TLN2: variants seen among roughly 807,000 people sequenced by gnomAD.
TLN2 encodes the protein talin 2, also known as talin-2.
A neutral mutation model predicts 294.7 loss-of-function variants in TLN2; 118 were observed. That is an observed-to-expected ratio of 0.40 (90% confidence interval 0.34 to 0.47). The LOEUF is 0.47. Ranked by LOEUF, TLN2 falls within the 20% of genes least tolerant of loss-of-function variation. The probability of loss-of-function intolerance (pLI) is 0.84; values close to 1 mark genes in which losing one functional copy is unlikely to be tolerated. For missense variants in TLN2, 3,083 were observed against 3,282.2 expected (o/e 0.94, Z 1.48); for synonymous variants, 1,431 against 1,304.5 (o/e 1.10, Z -2.09).
chr15:62,641,714 T>C (rs1048706424), intron 3 of TLN2, among the ~76,000 whole-genome samples: 1 of 152,190 alleles, frequency 6.6e-6, no homozygotes, highest in Non-Finnish European at 1.5e-5. Context: ...AGCGATCTTA[T>C]AGGTAGATCT....
chr15:62,521,828 T>C (rs1452676349), intron 1 of TLN2, among the ~76,000 whole-genome samples: 1 of 152,214 alleles, frequency 6.6e-6, no homozygotes, highest in African/African-American at 2.4e-5. Context: ...TTTCAATATA[T>C]GTCAAGGAAA....
At chr15:62,494,943 C>G (rs62006672) in intron 1 of TLN2, among the ~76,000 whole-genome samples, 6 of 152,002 alleles carry the variant, frequency 3.9e-5, no homozygotes, top group Non-Finnish European at 8.8e-5. Context: ...TCTCTGTTCC[C>G]GGAACACTGT....
intron 1 of TLN2, among the ~76,000 whole-genome samples, chr15:62,409,357 A>G (rs1047423522): frequency 6.6e-6 from 1 of 152,188 alleles, no homozygotes; most frequent in Non-Finnish European, 1.5e-5. Flanking sequence ...GCTTTTTACC[A>G]GAAGCCAGTC....
chr15:62,833,300 C>G (rs2069073521), intron 54 of TLN2: 2 of 690,636 alleles, frequency 2.9e-6, no homozygotes, highest in African/African-American at 1.8e-5. Context: ...GGTGGCTTAA[C>G]CAAACTGACT....
Position 62,683,413 on chromosome 15 carries a change from T to C in TLN2, c.958-3228T>C, listed in dbSNP as rs113551449. On this transcript the variant is annotated intron_variant, in intron 11 of 58. Transcript: ENST00000636159. ...GTTTATTAGCGAATCCTGCCTCTCA[T>C]TGGTAGAATGCCTGCATTCTCCCGC... Among the ~76,000 whole-genome samples the C allele has an allele frequency of 3.3e-5, 5 of 151,276 alleles. 1 individual carries two copies. Among genetic ancestry groups the C allele is most frequent in the African/African-American group, 1.2e-4 (5 of 41,202 alleles).
intron 32 of TLN2, among the ~76,000 whole-genome samples, chr15:62,743,023 C>A (rs1041463666): frequency 6.6e-6 from 1 of 152,112 alleles, no homozygotes; most frequent in African/African-American, 2.4e-5. Context: ...TAAGACAGGG[C>A]CTGTCTTATT....
In TLN2 at chr15:62,630,449, A is replaced by G. The variant is rs79074888; in HGVS notation, c.-37+11974A>G. On this transcript the variant is annotated intron_variant, in intron 3 of 58. Coordinates refer to ENST00000636159, the MANE Select transcript of TLN2 (RefSeq NM_015059.3). ...CTCTGTTCCCACTGGCCCTGCGGTCATACTGGTGGGACTTAGCCCTAAGAG... is the reference window on the plus strand; with the variant it reads ...CTCTGTTCCCACTGGCCCTGCGGTCGTACTGGTGGGACTTAGCCCTAAGAG... 3.1e-3 allele frequency among the ~76,000 whole-genome samples: 474 copies of G among 152,338 alleles called. 6 individuals carry two copies. Among genetic ancestry groups the G allele is most frequent in the African/African-American group, 0.011 (447 of 41,584 alleles).
At chr15:62,655,582 G>GGAGTGCTTTAGC (rs2053116818) in intron 7 of TLN2, among the ~76,000 whole-genome samples, 1 of 11,798 alleles carries the variant, frequency 8.5e-5, no homozygotes, top group Non-Finnish European at 3.6e-3. Context: ...TACATTCATT[G>GGAGTGCTTTAGC]TAGCACATGT....
At chr15:62,484,942 G>C (rs942646639) in intron 1 of TLN2, among the ~76,000 whole-genome samples, 5 of 152,180 alleles carry the variant, frequency 3.3e-5, no homozygotes, top group Admixed American at 3.3e-4. Flanking sequence ...CACTGGGCTG[G>C]AATCAAGTGG....
At chr15:62,706,998 C>G in intron 19 of TLN2, 88 bp from the exon 20 acceptor site, 1 of 1,417,638 alleles carries the variant, frequency 7.1e-7, no homozygotes. Context: ...GGAAAAAGAT[C>G]AAATGGAATT....
At position 62,708,556 on chromosome 15, in the gene TLN2, G is replaced by T; in HGVS notation, c.2227G>T (p.Gly743Trp). The change falls in exon 21 of 59, where the codon GGG (glycine) becomes TGG (tryptophan). Residue 743 changes from glycine to tryptophan, a missense_variant. Transcript: ENST00000636159. ...PVCQEQLIEA[G>W]KLVDRSVENC... Reference sequence around the variant, plus strand: ...GTGCCAGGAGCAGCTGATTGAAGCAGGGAAGCTGGTGGACCGCTCGGTGGA... The same window carrying T: ...GTGCCAGGAGCAGCTGATTGAAGCATGGAAGCTGGTGGACCGCTCGGTGGA... 2 of 1,614,196 alleles carry T rather than the reference G, an allele frequency of 1.2e-6. No homozygotes were observed. Among genetic ancestry groups the T allele is most frequent in the Non-Finnish European group, 1.7e-6 (2 of 1,180,032 alleles).
chr15:62,612,638 G>T (rs921784048), intron 2 of TLN2, among the ~76,000 whole-genome samples: 10 of 152,220 alleles, frequency 6.6e-5, no homozygotes, highest in Non-Finnish European at 1.5e-4. Context: ...TTGTTCGTGA[G>T]ATTTTTTTTC....
At chr15:62,836,252 C>A in intron 57 of TLN2, 179 bp downstream of exon 57, 1 of 892,794 alleles carries the variant, frequency 1.1e-6, no homozygotes, top group Admixed American at 2.4e-5. Flanking sequence ...CCCCACCACG[C>A]TGCCATTCTC....
chr15:62,463,327 A>G (rs1221271670), intron 1 of TLN2, among the ~76,000 whole-genome samples: 1 of 152,114 alleles, frequency 6.6e-6, no homozygotes, highest in East Asian at 1.9e-4. Context: ...TGTTTTGGAT[A>G]TGAGTGGTGA....
intron 14 of TLN2, 39 bp from the exon 15 acceptor site, chr15:62,697,649 C>G (rs28415011): frequency 0.047 from 73,775 of 1,569,998 alleles, 3,777 homozygotes; most frequent in African/African-American, 0.25. Context: ...CTCCACATGG[C>G]TGGTGTTCTC....
chr15:62,415,545 G>C (rs2034023358), intron 1 of TLN2, among the ~76,000 whole-genome samples: 1 of 101,872 alleles, frequency 9.8e-6, no homozygotes, highest in African/African-American at 3.2e-5. Context: ...GACTTTGAGG[G>C]GAAAGAGGAC....
chr15:62,520,756 A>G (rs2040416877), intron 1 of TLN2, among the ~76,000 whole-genome samples: 1 of 152,156 alleles, frequency 6.6e-6, no homozygotes, highest in Admixed American at 6.5e-5. Flanking sequence ...TTATTTTTTT[A>G]AAGTGTATAT....
At chr15:62,564,253 G>T (rs1266035211) in intron 1 of TLN2, among the ~76,000 whole-genome samples, 1 of 152,118 alleles carries the variant, frequency 6.6e-6, no homozygotes, top group African/African-American at 2.4e-5. Flanking sequence ...TCTTCCTCTG[G>T]TGGGCTTCTC....
chr15:62,391,335 A>G (rs2032069423), intron 1 of TLN2, among the ~76,000 whole-genome samples: 1 of 152,196 alleles, frequency 6.6e-6, no homozygotes, highest in African/African-American at 2.4e-5. Context: ...CCGCTGAGCG[A>G]CGGGGGCAGT....
Sources: gnomAD v4.1 joint callset for allele counts (sites outside exome capture counted in the v4.1 genomes callset) on GRCh38, gnomAD v4.1.1 for gene constraint, MANE v1.5 for transcripts, NCBI Gene and HGNC (gene_info 2026-07-23, HGNC 2026-07-21) for gene names.